PPP2R5E: variants seen among roughly 807,000 people sequenced by gnomAD.
PPP2R5E encodes serine/threonine-protein phosphatase 2A 56 kDa regulatory subunit epsilon isoform.
PPP2R5E carries 4 observed loss-of-function variants against 65.3 expected under a neutral mutation model. That is an observed-to-expected ratio of 0.06 (90% CI 0.03 to 0.14). PPP2R5E has a LOEUF of 0.14. Among genes scored for constraint, PPP2R5E ranks in the 10% least tolerant of loss-of-function variants. The pLI, the probability that PPP2R5E is intolerant of heterozygous loss-of-function variation, is 1.00. For synonymous variants in PPP2R5E, 183 were observed against 187.4 expected, an observed-to-expected ratio of 0.98 and a Z score of 0.19; for missense variants, 274 against 556.1, an observed-to-expected ratio of 0.49 and a Z score of 5.10.
At chr14:63,539,423 C>T in intron 2 of PPP2R5E, 106 bp downstream of exon 2, 1 of 1,211,720 alleles carries the variant, frequency 8.3e-7, no homozygotes, top group South Asian at 1.6e-5. Context: ...TGAAGTATCC[C>T]ATCCCTTCAA....
At chr14:63,402,659 T>C (rs1176187981) in intron 5 of PPP2R5E, among the ~76,000 whole-genome samples, 1 of 152,120 alleles carries the variant, frequency 6.6e-6, no homozygotes, top group African/African-American at 2.4e-5. Flanking sequence ...ATAAAAATTT[T>C]AGCAGAAGCA....
intron 3 of PPP2R5E, among the ~76,000 whole-genome samples, chr14:63,443,832 T>C (rs1888352120): frequency 6.6e-6 from 1 of 152,112 alleles, no homozygotes; most frequent in Admixed American, 6.6e-5. Flanking sequence ...ACTCCAAAAG[T>C]TCACATAAAT....
intron 2 of PPP2R5E, among the ~76,000 whole-genome samples, chr14:63,538,091 G>A (rs1045058452): frequency 6.6e-6 from 1 of 152,156 alleles, no homozygotes; most frequent in African/African-American, 2.4e-5. Flanking sequence ...AGACCAGCCT[G>A]TGCAACATGG....
At chr14:63,457,979 C>T (rs921098363) in intron 2 of PPP2R5E, among the ~76,000 whole-genome samples, 5 of 152,160 alleles carry the variant, frequency 3.3e-5, no homozygotes, top group African/African-American at 7.2e-5. Flanking sequence ...CATTCTCCCC[C>T]TTATGTCTTT....
chr14:63,422,080 T>G lies in PPP2R5E; in HGVS notation c.369A>C (p.Ile123=). 6.2e-7 allele frequency: 1 copy of G among 1,612,300 alleles called. No individual in the cohort carries two copies. Among genetic ancestry groups the G allele is most frequent in the South Asian group, 1.1e-5 (1 of 91,040 alleles). The stretch of plus-strand genomic sequence containing the variant: ...TGTCACTAGGAGGGAGAGTTCTGAA[T>G]ATATTGCAAGATACCTAAAAATAAA... ...PEVVRMVSCN[I]FRTLPPSDSN... Residue 123 remains isoleucine, a synonymous_variant, in exon 4 of 14, where the codon ATA becomes ATC. Transcript: ENST00000337537.
chr14:63,522,245 G>A (rs1239988384), intron 2 of PPP2R5E, among the ~76,000 whole-genome samples: 1 of 152,164 alleles, frequency 6.6e-6, no homozygotes, highest in African/African-American at 2.4e-5. Context: ...TTCACTCAGT[G>A]CTCAATGTTG....
At chr14:63,494,292 G>A (rs910677160) in intron 2 of PPP2R5E, among the ~76,000 whole-genome samples, 1 of 152,060 alleles carries the variant, frequency 6.6e-6, no homozygotes, top group African/African-American at 2.4e-5. Context: ...GGAGGGCAGT[G>A]ACACATTCTC....
intron 1 of PPP2R5E, among the ~76,000 whole-genome samples, chr14:63,540,130 TAA>T (rs749576391): frequency 7.4e-4 from 87 of 116,964 alleles, no homozygotes; most frequent in Non-Finnish European, 7.6e-4. Context: ...TTCCGTCCTT[TAA>T]AAAAAAAAAA....
At chr14:63,470,420 A>C (rs970244679) in intron 2 of PPP2R5E, among the ~76,000 whole-genome samples, 1 of 151,358 alleles carries the variant, frequency 6.6e-6, no homozygotes, top group Non-Finnish European at 1.5e-5. Context: ...GGCACACAGT[A>C]TTCCACAATC....
Position 63,433,474 on chromosome 14 carries a change from T to C in PPP2R5E, c.355-11380A>G, listed in dbSNP as rs1270250184. Among the ~76,000 whole-genome samples the C allele has an allele frequency of 3.3e-5, 5 of 152,162 alleles. No homozygotes were observed. In the East Asian group the frequency reaches 9.6e-4, roughly 29 times the overall value. Reference sequence around the variant, plus strand: ...CCAGAACTCCCTTTTAAGTTTTGTCTTTAGGTCTTTTCTCTTGGGCTTGCC... The same window carrying C: ...CCAGAACTCCCTTTTAAGTTTTGTCCTTAGGTCTTTTCTCTTGGGCTTGCC... On this transcript the variant is annotated intron_variant, in intron 3 of 13. Coordinates refer to ENST00000337537, the MANE Select transcript of PPP2R5E (RefSeq NM_006246.5).
chr14:63,384,648 A>G (rs1884553175), intron 11 of PPP2R5E, 77 bp from the exon 12 acceptor site: 1 of 1,280,252 alleles, frequency 7.8e-7, no homozygotes, highest in South Asian at 1.4e-5. Flanking sequence ...CTTTCCAAAC[A>G]AAAGTATTTC....
chr14:63,422,249 G>T (rs1566690034), intron 3 of PPP2R5E, among the ~76,000 whole-genome samples, 155 bp from the exon 4 acceptor site: 1 of 152,076 alleles, frequency 6.6e-6, no homozygotes, highest in Non-Finnish European at 1.5e-5. Context: ...TCTGAGGTGG[G>T]GACCACCTCC....
chr14:63,484,387 A>ACACACACAC (rs1566736526), intron 2 of PPP2R5E, among the ~76,000 whole-genome samples: 4 of 150,770 alleles, frequency 2.7e-5, no homozygotes, highest in East Asian at 2.0e-4. Flanking sequence ...ACACACACAC[A>ACACACACAC]AAGAATCGTA....
At chr14:63,487,431 TG>T (rs1891051560) in intron 2 of PPP2R5E, among the ~76,000 whole-genome samples, 2 of 152,334 alleles carry the variant, frequency 1.3e-5, no homozygotes, top group Admixed American at 1.3e-4. Flanking sequence ...ACAGATGTTT[TG>T]CTTCTTCAGG....
At chr14:63,395,114 G>C in intron 7 of PPP2R5E, 112 bp downstream of exon 7, 1 of 819,884 alleles carries the variant, frequency 1.2e-6, no homozygotes, top group African/African-American at 1.7e-5. Context: ...AAATGAGAGA[G>C]ACCCAATGTA....
intron 2 of PPP2R5E, among the ~76,000 whole-genome samples, chr14:63,492,894 GACA>G (rs1444722679): frequency 3.3e-5 from 5 of 152,130 alleles, no homozygotes; most frequent in African/African-American, 1.2e-4. Flanking sequence ...TGCGTCTTTA[GACA>G]ACGTTTATAG....
intron 11 of PPP2R5E, among the ~76,000 whole-genome samples, chr14:63,385,404 A>G (rs78683341): frequency 0.013 from 1,989 of 152,184 alleles, 45 homozygotes; most frequent in East Asian, 0.051. Context: ...TTTCCTGTTA[A>G]TTTATATTCT....
At chr14:63,389,473 C>A in intron 11 of PPP2R5E, 139 bp downstream of exon 11, 3 of 999,684 alleles carry the variant, frequency 3.0e-6, no homozygotes, top group Non-Finnish European at 4.2e-6. Context: ...GATAAGCTGG[C>A]CACTATTAAA....
intron 2 of PPP2R5E, among the ~76,000 whole-genome samples, chr14:63,511,784 A>G (rs1892462388): frequency 6.6e-6 from 1 of 152,144 alleles, no homozygotes; most frequent in African/African-American, 2.4e-5. Flanking sequence ...AAAATTACCA[A>G]GATAAGAATC....
Sources: allele counts gnomAD v4.1 joint callset (sites outside exome capture counted in the v4.1 genomes callset), GRCh38; gene constraint gnomAD v4.1.1; transcripts MANE v1.5; gene names NCBI Gene and HGNC (gene_info 2026-07-23, HGNC 2026-07-21).